The following DCUN1D2 variants were observed in gnomAD, a reference collection of about 807,000 sequenced individuals.
The protein encoded by DCUN1D2 is defective in cullin neddylation 1 domain containing 2.
Under a neutral mutation model 30.9 loss-of-function variants are expected in DCUN1D2, and 29 were observed. That is an observed-to-expected ratio of 0.94 (90% CI 0.70 to 1.28). DCUN1D2 has a LOEUF of 1.28. Among genes scored for constraint, DCUN1D2 ranks in the 50% most tolerant of loss-of-function variants. The pLI, the probability that DCUN1D2 is intolerant of heterozygous loss-of-function variation, is 0.00. For synonymous variants in DCUN1D2, 121 were observed against 115.3 expected (o/e 1.05, Z -0.32); for missense variants, 325 against 316.9 (o/e 1.03, Z -0.19).
chr13:113,477,021 G>A lies in DCUN1D2; in HGVS notation c.390-2767C>T, dbSNP rs117174269. Among the ~76,000 whole-genome samples the A allele has an allele frequency of 1.5e-3, 235 of 152,254 alleles. 3 individuals are homozygous for A. Among genetic ancestry groups the A allele is most frequent in the Non-Finnish European group, 2.3e-3 (158 of 68,030 alleles). ...CTCTGGTCTATTTATCTGATCTGGC[G>A]CTTGATGCCATGTAGTCTTAATTAC... On this transcript the variant is annotated intron_variant, in intron 3 of 6. Coordinates refer to ENST00000478244, the MANE Select transcript of DCUN1D2 (RefSeq NM_001014283.2).
In DCUN1D2 at chr13:113,456,554, G is replaced by T; in HGVS notation, c.*1475C>A. The T allele has an allele frequency of 2.5e-6, 1 of 396,438 alleles. No individual in the cohort carries two copies. Among genetic ancestry groups the T allele is most frequent in the East Asian group, 3.6e-5 (1 of 27,934 alleles). The allele number at this position is 396,438 out of a possible 1,614,324, so 24.6% of individuals were successfully genotyped here. On this transcript the variant is annotated 3_prime_UTR_variant, in exon 7 of 7. Transcript: ENST00000478244. ...CCACGTCCTGCACAGTGCTGCAGGG[G>T]GGCAGCAAGGCACGCCTGTGACATG...
intron 1 of DCUN1D2, 150 bp from the exon 2 acceptor site, chr13:113,484,206 G>A: frequency 6.9e-7 from 1 of 1,446,382 alleles, no homozygotes; most frequent in Non-Finnish European, 9.1e-7. Context: ...TCTGAAAATG[G>A]AAACAACAGC....
intron 3 of DCUN1D2, among the ~76,000 whole-genome samples, chr13:113,474,732 T>C (rs2044584589): frequency 6.6e-6 from 1 of 151,922 alleles, no homozygotes; most frequent in Non-Finnish European, 1.5e-5. Context: ...GACGAGGTAA[T>C]GGAAAGATGG....
chr13:113,478,268 G>A (rs1259403094), intron 3 of DCUN1D2, among the ~76,000 whole-genome samples: 2 of 151,312 alleles, frequency 1.3e-5, no homozygotes, highest in Non-Finnish European at 2.9e-5. Flanking sequence ...TCATGTGTCA[G>A]TTTTAGTAAA....
At chr13:113,472,708 T>C (rs2044543197) in intron 4 of DCUN1D2, among the ~76,000 whole-genome samples, 2 of 152,158 alleles carry the variant, frequency 1.3e-5, no homozygotes, top group South Asian at 2.1e-4. Flanking sequence ...CTCTCATCAG[T>C]TGGCAGCCCT....
intron 3 of DCUN1D2, among the ~76,000 whole-genome samples, chr13:113,476,341 C>T (rs1040553583): frequency 1.3e-5 from 2 of 152,160 alleles, no homozygotes; most frequent in Non-Finnish European, 2.9e-5. Context: ...CATTTGCTAT[C>T]GTGTCTTATT....
At chr13:113,460,416 G>C (rs372100337) in intron 5 of DCUN1D2, among the ~76,000 whole-genome samples, 43 of 152,328 alleles carry the variant, frequency 2.8e-4, no homozygotes, top group African/African-American at 1.0e-3. Flanking sequence ...AAGAGGTCTG[G>C]GCATCTCTGC....
At chr13:113,474,890 G>C (rs2044587422) in intron 3 of DCUN1D2, among the ~76,000 whole-genome samples, 1 of 152,204 alleles carries the variant, frequency 6.6e-6, no homozygotes, top group Admixed American at 6.5e-5. Flanking sequence ...CAGCAAGTTA[G>C]ATTTAAAATA....
chr13:113,482,266 T>C (rs1269578326), intron 2 of DCUN1D2, among the ~76,000 whole-genome samples: 2 of 152,224 alleles, frequency 1.3e-5, no homozygotes, highest in African/African-American at 4.8e-5. Context: ...TATAATTGCA[T>C]GAATAAAGTT....
chr13:113,472,015 A>G (rs905647558), intron 4 of DCUN1D2, among the ~76,000 whole-genome samples: 1 of 152,130 alleles, frequency 6.6e-6, no homozygotes, highest in Non-Finnish European at 1.5e-5. Flanking sequence ...AAGTCGGGGG[A>G]GAGTGTATTA....
intron 1 of DCUN1D2, among the ~76,000 whole-genome samples, chr13:113,489,417 C>G (rs1359330543): frequency 6.6e-6 from 1 of 152,192 alleles, no homozygotes; most frequent in Admixed American, 6.5e-5. Flanking sequence ...CACAAAAGCT[C>G]GGCTGCTGCG....
intron 4 of DCUN1D2, among the ~76,000 whole-genome samples, chr13:113,463,765 C>T (rs557155029): frequency 7.3e-6 from 1 of 137,752 alleles, no homozygotes; most frequent in Non-Finnish European, 1.6e-5. Context: ...CAAAGAGACA[C>T]AGACACACAC....
chr13:113,474,214 G>C lies in DCUN1D2; in HGVS notation c.430C>G (p.Leu144Val). Residue 144 changes from leucine (L) to valine (V), a missense_variant, in exon 4 of 7, where the codon CTG becomes GTG. By Grantham distance (32) the Leu-to-Val change is conservative (BLOSUM62 1). Transcript: ENST00000478244. ...GCTGTGTCCTTCAGCTCCTGCTCCA[G>C]TCTTGGCAGAAGAGCCTTTAGCTTC... ...MEKLKALLPR[L>V]EQELKDTAKF... is the part of the protein sequence containing the mutation. The C allele has an allele frequency of 6.2e-7, 1 of 1,614,140 alleles. No homozygotes were observed. Among genetic ancestry groups the C allele is most frequent in the Non-Finnish European group, 8.5e-7 (1 of 1,179,982 alleles).
intron 4 of DCUN1D2, among the ~76,000 whole-genome samples, chr13:113,469,325 A>G (rs2044464286): frequency 6.6e-6 from 1 of 152,148 alleles, no homozygotes; most frequent in South Asian, 2.1e-4. Flanking sequence ...AGATACTACA[A>G]ACAGTAGTCA....
At chr13:113,480,367 T>G in intron 3 of DCUN1D2, 1 of 433,878 alleles carries the variant, frequency 2.3e-6, no homozygotes, top group Non-Finnish European at 3.9e-6. Context: ...ATGAAAAAAA[T>G]AAAAATGTGA....
intron 6 of DCUN1D2, among the ~76,000 whole-genome samples, chr13:113,458,964 C>A (rs925738319): frequency 6.6e-6 from 1 of 152,152 alleles, no homozygotes; most frequent in Non-Finnish European, 1.5e-5. Flanking sequence ...CTGGAATCTC[C>A]GAGTCAGCCT....
intron 4 of DCUN1D2, chr13:113,462,900 G>T: frequency 2.5e-6 from 3 of 1,222,592 alleles, no homozygotes; most frequent in East Asian, 5.9e-5. Flanking sequence ...ACCTGGGGAG[G>T]AAAAAAAAAT....
At chr13:113,463,009 A>G (rs2139680623) in intron 4 of DCUN1D2, 1 of 298,086 alleles carries the variant, frequency 3.4e-6, no homozygotes, top group South Asian at 6.3e-5. Context: ...TGTCAATCAC[A>G]TTATCAAAAG....
At position 113,459,422 on chromosome 13, in the gene DCUN1D2, G is replaced by C; in HGVS notation, c.604-14C>G. The C allele has an allele frequency of 8.8e-7, 1 of 1,136,574 alleles. No individual in the cohort carries two copies. The highest frequency in any genetic ancestry group is 1.3e-6 in the Non-Finnish European group (1 of 792,110). 70.4% of individuals were successfully genotyped at this position (1,136,574 alleles called of 1,614,324 possible). ...TTTGTGATGTTCCTAATATATGAGA[G>C]AAAAAAAAAACCCACCAGGTTTAAA... On this transcript the variant is annotated splice_polypyrimidine_tract_variant and intron_variant, in intron 5 of 6. Coordinates refer to ENST00000478244, the MANE Select transcript of DCUN1D2 (RefSeq NM_001014283.2).
Sources: allele counts gnomAD v4.1 joint callset (sites outside exome capture counted in the v4.1 genomes callset), GRCh38; gene constraint gnomAD v4.1.1; transcripts MANE v1.5; gene names NCBI Gene and HGNC (gene_info 2026-07-23, HGNC 2026-07-21).